ATP2C2: variants seen among roughly 807,000 people sequenced by gnomAD.
ATP2C2 encodes the protein ATPase secretory pathway Ca2+ transporting 2.
Under a neutral mutation model 110.8 loss-of-function variants are expected in ATP2C2, and 171 were observed. That is an observed-to-expected ratio of 1.54 (90% CI 1.36 to 1.75). The LOEUF (loss-of-function observed/expected upper bound fraction) is 1.75, where lower values mean the gene tolerates loss of function less well. ATP2C2 is among the 40% of genes most tolerant of loss of function. ATP2C2 has a pLI of 0.00. For synonymous variants in ATP2C2, 804 were observed against 508.4 expected, an observed-to-expected ratio of 1.58 and a Z score of -7.82; for missense variants, 1,963 against 1,235.0, an observed-to-expected ratio of 1.59 and a Z score of -8.84.
intron 4 of ATP2C2, 67 bp downstream of exon 4, chr16:84,408,561 A>G: frequency 7.8e-7 from 1 of 1,287,356 alleles, no homozygotes; most frequent in Non-Finnish European, 1.1e-6. Context: ...TCTGCTTGTT[A>G]TTGTATATAA....
chr16:84,417,692 G>A (rs1906962531), intron 7 of ATP2C2, among the ~76,000 whole-genome samples: 1 of 152,168 alleles, frequency 6.6e-6, no homozygotes, highest in African/African-American at 2.4e-5. Context: ...AGGAGTTCAA[G>A]ACCAGCCTGG....
chr16:84,389,394 G>A (rs937224403), intron 1 of ATP2C2, among the ~76,000 whole-genome samples: 1 of 152,210 alleles, frequency 6.6e-6, no homozygotes, highest in Non-Finnish European at 1.5e-5. Context: ...CGCGAGTTTT[G>A]AGCATCTCTC....
In ATP2C2 at chr16:84,461,828, AC is replaced by A; in HGVS notation, c.2580+19del. The A allele has an allele frequency of 6.2e-7, 1 of 1,612,140 alleles. No homozygotes were observed. The highest frequency in any genetic ancestry group is 8.5e-7 in the Non-Finnish European group (1 of 1,178,268). On this transcript the variant is annotated intron_variant, in intron 25 of 26. Coordinates refer to ENST00000262429, the MANE Select transcript of ATP2C2 (RefSeq NM_014861.4). ...CCGCTCTCAGGTGAGACCCGGGCTG[AC>A]CCTCCTCGCTGCAGAGCTGCTGTGT...
At chr16:84,425,853 G>T in intron 11 of ATP2C2, 52 bp downstream of exon 11, 2 of 1,588,300 alleles carry the variant, frequency 1.3e-6, no homozygotes, top group Non-Finnish European at 1.7e-6. Context: ...AATGGGCTCT[G>T]AGCCCTTCCC....
intron 1 of ATP2C2, among the ~76,000 whole-genome samples, chr16:84,393,562 G>C (rs932481376): frequency 1.3e-5 from 2 of 152,198 alleles, no homozygotes; most frequent in African/African-American, 4.8e-5. Context: ...AGCAAGTATA[G>C]ACACTCCTTC....
intron 17 of ATP2C2, among the ~76,000 whole-genome samples, chr16:84,450,402 AC>A (rs764097582): frequency 6.6e-6 from 1 of 151,268 alleles, no homozygotes; most frequent in Non-Finnish European, 1.5e-5. Flanking sequence ...GGGCTTTGAG[AC>A]CCCCCACCCC....
chr16:84,426,749 G>C lies in ATP2C2; in HGVS notation c.986+948G>C, dbSNP rs550022876. On this transcript the variant is annotated intron_variant, in intron 11 of 26. Transcript: ENST00000262429. ...ACTCTATCCAAGCCCTTGTCTTACA[G>C]AGGAGGCTATCAGAGCGGCAATGGA... Among the ~76,000 whole-genome samples, 37 of 152,326 alleles carry C rather than the reference G, an allele frequency of 2.4e-4. 1 individual carries two copies. Among genetic ancestry groups the C allele is most frequent in the African/African-American group, 8.2e-4 (34 of 41,570 alleles).
chr16:84,442,751 G>T, intron 15 of ATP2C2, 152 bp downstream of exon 15: 1 of 720,198 alleles, frequency 1.4e-6, no homozygotes, highest in South Asian at 1.6e-5. Flanking sequence ...CCATCTGTTG[G>T]TGGTGGAGGA....
At chr16:84,449,747 T>A (rs1381976519) in intron 17 of ATP2C2, among the ~76,000 whole-genome samples, 1 of 152,174 alleles carries the variant, frequency 6.6e-6, no homozygotes, top group Admixed American at 6.5e-5. Flanking sequence ...GGCACGTGGG[T>A]GGCAGCTGCT....
At chr16:84,427,312 G>A (rs550135759) in intron 11 of ATP2C2, among the ~76,000 whole-genome samples, 1 of 152,166 alleles carries the variant, frequency 6.6e-6, no homozygotes, top group Non-Finnish European at 1.5e-5. Flanking sequence ...GCCACAGAAA[G>A]GAATGAAGTA....
chr16:84,397,725 C>T (rs1486495565), intron 1 of ATP2C2, among the ~76,000 whole-genome samples: 1 of 147,758 alleles, frequency 6.8e-6, no homozygotes, highest in African/African-American at 2.5e-5. Context: ...CAACTGGAAC[C>T]CAGATATTCA....
intron 2 of ATP2C2, among the ~76,000 whole-genome samples, chr16:84,403,693 C>CTT (rs1042352729): frequency 2.7e-5 from 4 of 147,982 alleles, no homozygotes; most frequent in East Asian, 2.0e-4. Context: ...CTCCAGAATT[C>CTT]TTTTTTTTTT....
chr16:84,449,617 G>C (rs1910072303), intron 17 of ATP2C2, among the ~76,000 whole-genome samples: 1 of 152,190 alleles, frequency 6.6e-6, no homozygotes, highest in African/African-American at 2.4e-5. Context: ...GCCAGGCCCA[G>C]CTTCTGCGAG....
chr16:84,433,104 G>A (rs1466139049), intron 11 of ATP2C2, among the ~76,000 whole-genome samples: 1 of 152,170 alleles, frequency 6.6e-6, no homozygotes, highest in Non-Finnish European at 1.5e-5. Context: ...AGTAGGCTGG[G>A]CACAGTGGCT....
At chr16:84,396,177 T>C (rs973164461) in intron 1 of ATP2C2, among the ~76,000 whole-genome samples, 3 of 152,136 alleles carry the variant, frequency 2.0e-5, no homozygotes, top group African/African-American at 4.8e-5. Context: ...ATTGGGCTCT[T>C]ATCCTGAGAG....
At chr16:84,372,107 C>T (rs1288362308) in intron 1 of ATP2C2, among the ~76,000 whole-genome samples, 1 of 152,140 alleles carries the variant, frequency 6.6e-6, no homozygotes, top group South Asian at 2.1e-4. Context: ...GATGAGGCTG[C>T]AGAGGAGGGT....
chr16:84,377,306 C>G (rs1262830629), intron 1 of ATP2C2, among the ~76,000 whole-genome samples: 1 of 152,190 alleles, frequency 6.6e-6, no homozygotes, highest in African/African-American at 2.4e-5. Flanking sequence ...AATCCAATCA[C>G]CTGTCTTCCC....
chr16:84,460,817 C>A lies in ATP2C2; in HGVS notation c.2481+16C>A, dbSNP rs769452224. 1.2e-6 allele frequency: 2 copies of A among 1,601,802 alleles called. No homozygotes were observed. Among genetic ancestry groups the A allele is most frequent in the South Asian group, 1.1e-5 (1 of 89,562 alleles). The stretch of plus-strand genomic sequence containing the variant: ...CTGGAAGGAGGTGAGCGAGGGTCAC[C>A]CCGGCCTGTTCTCCAAGCCCTGGTG... On this transcript the variant is annotated intron_variant, in intron 24 of 26. Coordinates refer to ENST00000262429, the MANE Select transcript of ATP2C2 (RefSeq NM_014861.4).
chr16:84,375,887 G>A (rs907709030), intron 1 of ATP2C2, among the ~76,000 whole-genome samples: 11 of 152,060 alleles, frequency 7.2e-5, no homozygotes, highest in African/African-American at 2.4e-4. Flanking sequence ...TAAAGAGGAA[G>A]TCTGAACAAA....
Sources: allele counts gnomAD v4.1 joint callset (sites outside exome capture counted in the v4.1 genomes callset), GRCh38; gene constraint gnomAD v4.1.1; transcripts MANE v1.5; gene names NCBI Gene and HGNC (gene_info 2026-07-23, HGNC 2026-07-21).